CAAP1: variants seen among roughly 807,000 people sequenced by gnomAD.
CAAP1 encodes the protein caspase activity and apoptosis inhibitor 1.
Under a neutral mutation model 34.0 loss-of-function variants are expected in CAAP1, and 20 were observed. The observed-to-expected ratio is 0.59, with a 90% CI of 0.41 to 0.86. The LOEUF (loss-of-function observed/expected upper bound fraction) is 0.86, where lower values mean the gene tolerates loss of function less well. CAAP1 is among the 40% of genes least tolerant of loss of function. The pLI is 0.00. For missense variants in CAAP1, 538 were observed against 450.5 expected (o/e 1.19, Z -1.76); for synonymous variants, 213 against 166.7 (o/e 1.28, Z -2.14).
At chr9:26,877,931 T>C (rs1823484603) in intron 4 of CAAP1, among the ~76,000 whole-genome samples, 1 of 151,952 alleles carries the variant, frequency 6.6e-6, no homozygotes, top group Non-Finnish European at 1.5e-5. Flanking sequence ...TTTAGTATTT[T>C]ACCTCTCCTT....
intron 4 of CAAP1, among the ~76,000 whole-genome samples, chr9:26,864,599 T>A (rs1823084381): frequency 6.6e-6 from 1 of 152,152 alleles, no homozygotes; most frequent in Non-Finnish European, 1.5e-5. Flanking sequence ...ATATAAACTG[T>A]CCCCCACCCT....
At position 26,857,232 on chromosome 9, in the gene CAAP1, C is replaced by T. The variant is rs76981184; in HGVS notation, c.739+3834G>A. ...GTACATGTGAGCTTGCACAGGTATG[C>T]GCATGCACACATACACCTACACATG... On this transcript the variant is annotated intron_variant, in intron 5 of 5. Transcript: ENST00000333916. Among the ~76,000 whole-genome samples, 16 of 152,306 alleles carry T rather than the reference C, an allele frequency of 1.1e-4. No individual in the cohort carries two copies. The East Asian group carries it at 3.1e-3, about 29-fold the overall frequency.
Position 26,892,740 on chromosome 9 carries a change from G to A in CAAP1, c.-25C>T, listed in dbSNP as rs1823945389. 5.1e-6 allele frequency: 8 copies of A among 1,556,666 alleles called. 1 individual carries two copies. In the South Asian group the frequency reaches 8.2e-5, roughly 16 times the overall value. On this transcript the variant is annotated 5_prime_UTR_variant, in exon 1 of 6. Coordinates refer to ENST00000333916, the MANE Select transcript of CAAP1 (RefSeq NM_024828.4). ...TGATCCCTCTGCTGCAACCATCGGAGGAAAGTCCGCTGTCTCTGGTGCGAC... is the reference window on the plus strand; with the variant it reads ...TGATCCCTCTGCTGCAACCATCGGAAGAAAGTCCGCTGTCTCTGGTGCGAC...
At position 26,892,498 on chromosome 9, in the gene CAAP1, C is replaced by T; in HGVS notation, c.218G>A (p.Cys73Tyr). ...SVTGGGSGGS[C>Y]WGGSSVERSE... The stretch of plus-strand genomic sequence containing the variant: ...GCGCTCCACGCTGCTCCCGCCCCAA[C>T]AGCTGCCGCCGCTCCCACCGCCGGT... The change falls in exon 1 of 6, where the codon TGT becomes TAT. Residue 73 changes from cysteine to tyrosine, a missense_variant. Physicochemically the swap from Cys to Tyr is radical, Grantham distance 194 (BLOSUM62 -2). Around this residue, in one of 3 missense-constraint regions of CAAP1, gnomAD observed 514 missense variants for 408.4 expected, o/e 1.26. Transcript: ENST00000333916. 6.4e-7 allele frequency: 1 copy of T among 1,566,368 alleles called. No individual in the cohort carries two copies. The highest frequency in any genetic ancestry group is 8.7e-7 in the Non-Finnish European group (1 of 1,155,208).
At chr9:26,885,647 G>C (rs1197695386) in intron 3 of CAAP1, among the ~76,000 whole-genome samples, 1 of 152,060 alleles carries the variant, frequency 6.6e-6, no homozygotes, top group East Asian at 1.9e-4. Context: ...ATCACCAAGA[G>C]TAGTCACACT....
chr9:26,850,274 C>A (rs1234798586), intron 5 of CAAP1, among the ~76,000 whole-genome samples: 1 of 152,170 alleles, frequency 6.6e-6, no homozygotes, highest in African/African-American at 2.4e-5. Flanking sequence ...CTCACTTCTT[C>A]CTGAAAACTC....
intron 1 of CAAP1, among the ~76,000 whole-genome samples, chr9:26,889,813 A>G: frequency 6.9e-6 from 1 of 145,138 alleles, no homozygotes; most frequent in East Asian, 2.1e-4. Context: ...GCTTGCAGTG[A>G]GCCGAGATCA....
chr9:26,859,264 A>G (rs761867866), intron 5 of CAAP1, among the ~76,000 whole-genome samples: 16 of 152,116 alleles, frequency 1.1e-4, no homozygotes, highest in Admixed American at 2.6e-4. Context: ...CTGCACCTTC[A>G]TGACTGGTTT....
Position 26,873,152 on chromosome 9 carries a change from C to G in CAAP1, c.665+11658G>C, listed in dbSNP as rs141025610. On this transcript the variant is annotated intron_variant, in intron 4 of 5. Transcript: ENST00000333916. Reference sequence around the variant, plus strand: ...CCTGTGGTCCCAACTCCTCAGGAGGCTGAGGTGGGAGGATCACTTATCACT... The same window carrying G: ...CCTGTGGTCCCAACTCCTCAGGAGGGTGAGGTGGGAGGATCACTTATCACT... Among the ~76,000 whole-genome samples, 10 of 152,300 alleles carry G rather than the reference C, an allele frequency of 6.6e-5. No homozygotes were observed. In the East Asian group the frequency reaches 1.9e-3, roughly 29 times the overall value.
At chr9:26,891,976 A>G (rs1017540466) in intron 1 of CAAP1, among the ~76,000 whole-genome samples, 5 of 152,202 alleles carry the variant, frequency 3.3e-5, no homozygotes, top group African/African-American at 1.2e-4. Context: ...GGAGCTATTA[A>G]CAAACTCTGT....
chr9:26,855,550 T>C (rs1420687417), intron 5 of CAAP1, among the ~76,000 whole-genome samples: 2 of 152,184 alleles, frequency 1.3e-5, no homozygotes, highest in African/African-American at 2.4e-5. Context: ...ATGGGAACTC[T>C]CTGTACTTCC....
chr9:26,873,252 G>C (rs1283788461), intron 4 of CAAP1, among the ~76,000 whole-genome samples: 1 of 152,116 alleles, frequency 6.6e-6, no homozygotes, highest in Non-Finnish European at 1.5e-5. Flanking sequence ...AAAAGAAAAA[G>C]TACCTACTTT....
chr9:26,885,930 C>T lies in CAAP1; in HGVS notation c.589+174G>A, dbSNP rs759581531. ...AACAATATATTGTCTATTCTTGAAA[C>T]GCTTTTCTGATATGTAAACTATATT... is the stretch of plus-strand genomic sequence containing the variant. On this transcript the variant is annotated intron_variant, in intron 3 of 5. Coordinates refer to ENST00000333916, the MANE Select transcript of CAAP1 (RefSeq NM_024828.4). Among the ~76,000 whole-genome samples the T allele has an allele frequency of 3.6e-4, 55 of 151,888 alleles. 1 individual carries two copies. Among genetic ancestry groups the T allele is most frequent in the Non-Finnish European group, 8.8e-5 (6 of 67,956 alleles).
At chr9:26,867,645 A>T (rs935858351) in intron 4 of CAAP1, among the ~76,000 whole-genome samples, 2 of 152,172 alleles carry the variant, frequency 1.3e-5, no homozygotes, top group Non-Finnish European at 2.9e-5. Flanking sequence ...AGAAATCAAC[A>T]TATTTTCACA....
chr9:26,856,198 A>C (rs1251968842), intron 5 of CAAP1, among the ~76,000 whole-genome samples: 6 of 152,016 alleles, frequency 3.9e-5, no homozygotes, highest in Admixed American at 3.9e-4. Flanking sequence ...GCATGTCTTT[A>C]GGGAAAAGAT....
At chr9:26,865,785 T>C (rs1160799156) in intron 4 of CAAP1, among the ~76,000 whole-genome samples, 1 of 152,160 alleles carries the variant, frequency 6.6e-6, no homozygotes, top group Non-Finnish European at 1.5e-5. Context: ...ATTTTCCAGA[T>C]GAGAAAAACT....
intron 5 of CAAP1, among the ~76,000 whole-genome samples, chr9:26,855,032 T>G (rs539478699): frequency 6.6e-6 from 1 of 152,316 alleles, no homozygotes; most frequent in South Asian, 2.1e-4. Flanking sequence ...CAAAGTTATG[T>G]CCACACAAAA....
At position 26,886,208 on chromosome 9, in the gene CAAP1, A is replaced by T. The variant is rs770078945; in HGVS notation, c.505-20T>A. The T allele has an allele frequency of 7.7e-7, 1 of 1,294,958 alleles. No individual in the cohort carries two copies. Among genetic ancestry groups the T allele is most frequent in the Admixed American group, 2.7e-5 (1 of 36,394 alleles). The allele number at this position is 1,294,958 out of a possible 1,614,324, so 80.2% of individuals were successfully genotyped here. ...ACAGTTCTAAAGGAAATGACATTTT[A>T]AAAAAATGCATTTATGTAACACAGC... On this transcript the variant is annotated intron_variant, in intron 2 of 5. Transcript: ENST00000333916.
intron 1 of CAAP1, among the ~76,000 whole-genome samples, chr9:26,889,867 CAAAAAAAAAAAAAA>C (rs1028187218): frequency 9.7e-5 from 5 of 51,326 alleles, no homozygotes; most frequent in Admixed American, 1.9e-4. Context: ...GACTCTGTCT[CAAAAAAAAAAAAAA>C]AAAAAAAAGG....
Sources: allele counts gnomAD v4.1 joint callset (sites outside exome capture counted in the v4.1 genomes callset), GRCh38; gene constraint gnomAD v4.1.1; regional missense constraint gnomAD v4.1.1; transcripts MANE v1.5; gene names NCBI Gene and HGNC (gene_info 2026-07-23, HGNC 2026-07-21).